SUMF1: variants seen among roughly 807,000 people sequenced by gnomAD.
SUMF1 encodes formylglycine-generating enzyme.
In SUMF1, 48 loss-of-function variants were observed where a neutral mutation model predicts 47.6. The ratio of observed to expected loss-of-function variants is 1.01; its 90% CI spans 0.80 to 1.28. The LOEUF (loss-of-function observed/expected upper bound fraction) is 1.28. Among genes scored for constraint, SUMF1 ranks in the 50% most tolerant of loss-of-function variants. The pLI, the probability that SUMF1 is intolerant of heterozygous loss-of-function variation, is 0.00. For missense variants in SUMF1, 571 were observed against 485.4 expected, an observed-to-expected ratio of 1.18 and a Z score of -1.66; for synonymous variants, 230 against 192.1, an observed-to-expected ratio of 1.20 and a Z score of -1.63.
chr3:4,423,809 G>T (rs980761300), intron 3 of SUMF1, among the ~76,000 whole-genome samples: 1 of 152,142 alleles, frequency 6.6e-6, no homozygotes, highest in Non-Finnish European at 1.5e-5. Context: ...GGTGATGAGT[G>T]AGCTCTCACT....
intron 8 of SUMF1, among the ~76,000 whole-genome samples, chr3:4,352,818 A>G (rs1238163361): frequency 6.6e-6 from 1 of 151,890 alleles, no homozygotes; most frequent in Non-Finnish European, 1.5e-5. Context: ...ATTCACCTCT[A>G]CATTTAAGAG....
chr3:4,285,109 G>C (rs924314031), intron 8 of SUMF1, among the ~76,000 whole-genome samples: 2 of 152,094 alleles, frequency 1.3e-5, no homozygotes, highest in African/African-American at 4.8e-5. Context: ...CACCGAATAA[G>C]GCAGCTGCAT....
At position 4,417,213 on chromosome 3, in the gene SUMF1, G is replaced by T; in HGVS notation, c.755C>A (p.Pro252His). Residue 252 changes from proline (P) to histidine (H), a missense_variant, in exon 6 of 9, where the codon CCC becomes CAC. Pro to His is a moderately conservative substitution (Grantham distance 77). Transcript: ENST00000272902. ...AATGTTGGCATAATGCTGGCCTTTGGGCTGCAGTTTGTTGCCCCAGGGGAA... is the reference window on the plus strand; with the variant it reads ...AATGTTGGCATAATGCTGGCCTTTGTGCTGCAGTTTGTTGCCCCAGGGGAA... ...RLFPWGNKLQ[P>H]KGQHYANIWQ... is the part of the protein sequence containing the mutation. The T allele has an allele frequency of 6.2e-7, 1 of 1,613,974 alleles. No homozygotes were observed. Among genetic ancestry groups the T allele is most frequent in the Non-Finnish European group, 8.5e-7 (1 of 1,179,940 alleles).
At chr3:4,250,914 G>A (rs1696787234) in intron 8 of SUMF1, among the ~76,000 whole-genome samples, 1 of 152,126 alleles carries the variant, frequency 6.6e-6, no homozygotes, top group Non-Finnish European at 1.5e-5. Context: ...TTATAAACAA[G>A]GAGATGAATG....
intron 8 of SUMF1, among the ~76,000 whole-genome samples, chr3:4,145,051 T>A (rs1480804949): frequency 6.6e-6 from 1 of 151,872 alleles, no homozygotes; most frequent in African/African-American, 2.4e-5. Context: ...TACAAAAAAT[T>A]AGCCGGGTGC....
chr3:4,422,493 A>G (rs1291382462), intron 3 of SUMF1, among the ~76,000 whole-genome samples: 1 of 135,128 alleles, frequency 7.4e-6, no homozygotes, highest in Admixed American at 7.2e-5. Context: ...TTAGTGATTT[A>G]AAAAAAAAAA....
rs1248246071 is a variant in SUMF1, at chr3:4,404,819, C to G, written c.954+6046G>C. Among the ~76,000 whole-genome samples the G allele has an allele frequency of 2.0e-5, 3 of 152,136 alleles. No individual in the cohort carries two copies. In the South Asian group the frequency reaches 6.2e-4, roughly 32 times the overall value. Reference sequence around the variant, plus strand: ...CACATGAGTGAAGGTCTTATAGCAGCGAAAAATTCTCAATCAACTTCCTCC... The same window carrying G: ...CACATGAGTGAAGGTCTTATAGCAGGGAAAAATTCTCAATCAACTTCCTCC... On this transcript the variant is annotated intron_variant, in intron 7 of 8. Coordinates refer to ENST00000272902, the MANE Select transcript of SUMF1 (RefSeq NM_182760.4).
At chr3:4,461,102 CATGACTGTA>C (rs1257332728) in intron 1 of SUMF1, among the ~76,000 whole-genome samples, 4 of 152,182 alleles carry the variant, frequency 2.6e-5, no homozygotes, top group Non-Finnish European at 5.9e-5. Flanking sequence ...TGAATGAGGT[CATGACTGTA>C]ATGAGGAATT....
intron 8 of SUMF1, among the ~76,000 whole-genome samples, chr3:4,152,789 C>T (rs1694367832): frequency 6.6e-6 from 1 of 151,566 alleles, no homozygotes; most frequent in African/African-American, 2.4e-5. Context: ...CACCCAACCC[C>T]ACCTCTCAAA....
intron 8 of SUMF1, among the ~76,000 whole-genome samples, chr3:4,149,091 T>C (rs1275046105): frequency 6.6e-6 from 1 of 152,140 alleles, no homozygotes; most frequent in Non-Finnish European, 1.5e-5. Flanking sequence ...TCTCTGGAGT[T>C]CCTTAAGAGC....
At chr3:4,102,694 C>T (rs10510285) in intron 8 of SUMF1, among the ~76,000 whole-genome samples, 22,873 of 151,964 alleles carry the variant, frequency 0.15, 3,706 homozygotes, top group African/African-American at 0.39. Flanking sequence ...TTGTGTACTC[C>T]ATCTCTCCAA....
intron 6 of SUMF1, among the ~76,000 whole-genome samples, chr3:4,416,190 C>G (rs1180389073): frequency 1.3e-5 from 2 of 152,244 alleles, no homozygotes; most frequent in African/African-American, 4.8e-5. Flanking sequence ...ATCTGAAACT[C>G]TTACCCAGAA....
At chr3:4,303,666 G>A in intron 8 of SUMF1, 1 of 1,480,352 alleles carries the variant, frequency 6.8e-7, no homozygotes, top group Non-Finnish European at 9.0e-7. Flanking sequence ...GCGGGAATAG[G>A]TGTGCATGCC....
chr3:4,376,421 C>T (rs781449287), intron 7 of SUMF1, 32 bp from the exon 8 acceptor site: 81 of 1,611,898 alleles, frequency 5.0e-5, no homozygotes, highest in Admixed American at 8.3e-5. Context: ...TATGTTAGAC[C>T]AGAAGGCAAA....
chr3:4,209,757 A>C (rs1378257926), intron 8 of SUMF1, among the ~76,000 whole-genome samples: 1 of 152,190 alleles, frequency 6.6e-6, no homozygotes. Context: ...ATAAGCATTT[A>C]AATTGCAATA....
chr3:4,258,578 A>G lies in SUMF1; in HGVS notation c.1014+117752T>C, dbSNP rs557241687. 2.0e-5 allele frequency among the ~76,000 whole-genome samples: 3 copies of G among 152,236 alleles called. No individual in the cohort carries two copies. The South Asian group carries it at 6.2e-4, about 32-fold the overall frequency. On this transcript the variant is annotated intron_variant and NMD_transcript_variant, in intron 8 of 12. Transcript: ENST00000448413. Reference sequence around the variant, plus strand: ...CCACTATGAGATACCATCTCACACCAGTTAGAATGGCAATCACTAAAAAAT... The same window carrying G: ...CCACTATGAGATACCATCTCACACCGGTTAGAATGGCAATCACTAAAAAAT...
At chr3:4,177,976 T>A (rs1695004270) in intron 8 of SUMF1, among the ~76,000 whole-genome samples, 2 of 152,020 alleles carry the variant, frequency 1.3e-5, no homozygotes, top group Admixed American at 6.6e-5. Flanking sequence ...ATACACCTGC[T>A]GAAGACTAAA....
intron 8 of SUMF1, among the ~76,000 whole-genome samples, chr3:4,261,222 A>G (rs890652128): frequency 5.3e-5 from 8 of 152,190 alleles, no homozygotes; most frequent in African/African-American, 1.2e-4. Context: ...TAATTTTTTC[A>G]TAAGGGCAGA....
intron 8 of SUMF1, among the ~76,000 whole-genome samples, chr3:4,161,186 C>G (rs1694568057): frequency 6.8e-6 from 1 of 146,154 alleles, no homozygotes; most frequent in South Asian, 2.1e-4. Flanking sequence ...AACGGAGTCT[C>G]TCTCTTTGTG....
Sources: gnomAD v4.1 joint callset for allele counts (sites outside exome capture counted in the v4.1 genomes callset) on GRCh38, gnomAD v4.1.1 for gene constraint, MANE v1.5 for transcripts, NCBI Gene and HGNC (gene_info 2026-07-23, HGNC 2026-07-21) for gene names.